Variants in DLG2 observed in about 807,000 individuals in gnomAD.
DLG2 encodes discs large MAGUK scaffold protein 2, also known as disks large homolog 2.
DLG2 carries 45 observed loss-of-function variants against 132.5 expected under a neutral mutation model. The ratio of observed to expected loss-of-function variants is 0.34; its 90% CI spans 0.27 to 0.44. The LOEUF is 0.44. DLG2 is among the 20% of genes least tolerant of loss of function. The pLI is 1.00. For synonymous variants in DLG2, 424 were observed against 419.6 expected, an observed-to-expected ratio of 1.01 and a Z score of -0.13; for missense variants, 1,045 against 1,196.9, an observed-to-expected ratio of 0.87 and a Z score of 1.87.
At chr11:85,209,099 C>T (rs951486801) in intron 4 of DLG2, among the ~76,000 whole-genome samples, 2 of 152,108 alleles carry the variant, frequency 1.3e-5, no homozygotes, top group African/African-American at 4.8e-5. Context: ...CTGCCACTAA[C>T]TAGCTCTATG....
At chr11:84,519,219 T>C (rs1481407091) in intron 7 of DLG2, among the ~76,000 whole-genome samples, 2 of 152,092 alleles carry the variant, frequency 1.3e-5, no homozygotes, top group Non-Finnish European at 2.9e-5. Flanking sequence ...AAAAAATAAA[T>C]ACCCAGTGCA....
chr11:85,206,790 G>A (rs1342155712), intron 4 of DLG2, among the ~76,000 whole-genome samples: 3 of 152,054 alleles, frequency 2.0e-5, no homozygotes, highest in Non-Finnish European at 4.4e-5. Flanking sequence ...ACGAGATCAT[G>A]CCACTGCACT....
chr11:84,242,731 A>G (rs1598234943), intron 8 of DLG2, among the ~76,000 whole-genome samples: 1 of 152,174 alleles, frequency 6.6e-6, no homozygotes, highest in African/African-American at 2.4e-5. Flanking sequence ...TAATTTTACA[A>G]TAAGAAAATG....
chr11:84,616,689 G>A (rs2099604968), intron 6 of DLG2, among the ~76,000 whole-genome samples: 1 of 152,072 alleles, frequency 6.6e-6, no homozygotes, highest in Admixed American at 6.6e-5. Context: ...CTCATCTAAT[G>A]AAAAATGAAT....
intron 11 of DLG2, among the ~76,000 whole-genome samples, chr11:84,002,912 T>C (rs978692087): frequency 3.3e-5 from 5 of 152,234 alleles, no homozygotes; most frequent in African/African-American, 1.2e-4. Context: ...TTTTATGCTC[T>C]GTTTCCCTTA....
At chr11:84,123,813 A>T (rs1438539385) in intron 9 of DLG2, among the ~76,000 whole-genome samples, 2 of 152,214 alleles carry the variant, frequency 1.3e-5, no homozygotes, top group African/African-American at 4.8e-5. Context: ...AATGCTCCAT[A>T]AGCAGGTCTA....
intron 21 of DLG2, among the ~76,000 whole-genome samples, chr11:83,518,420 AC>A (rs1159082739): frequency 3.3e-5 from 5 of 151,934 alleles, no homozygotes; most frequent in Non-Finnish European, 7.4e-5. Flanking sequence ...GCCATCTGTC[AC>A]CCCTTTTCTT....
At position 83,469,243 on chromosome 11, in the gene DLG2, T is replaced by C. The variant is rs561760578; in HGVS notation, c.2577A>G (p.Leu859=). ...TCACAGACTGCACACTGGTTCCATA[T>C]AAATTGTCATTGTACTGGCCGGCTT... ...FIEAGQYNDN[L]YGTSVQSVRF... The change falls in exon 25 of 28, where the codon TTA becomes TTG. Residue 859 remains leucine (L), a synonymous_variant. Coordinates refer to ENST00000376104, the MANE Select transcript of DLG2 (RefSeq NM_001142699.3). 6 of 1,613,536 alleles carry C rather than the reference T, an allele frequency of 3.7e-6. No homozygotes were observed. In the South Asian group the frequency reaches 5.5e-5, roughly 15 times the overall value.
At chr11:84,870,844 A>G (rs2085357816) in intron 6 of DLG2, among the ~76,000 whole-genome samples, 1 of 152,238 alleles carries the variant, frequency 6.6e-6, no homozygotes, top group Admixed American at 6.5e-5. Flanking sequence ...ATGACAGAAG[A>G]GATTATTACA....
chr11:84,016,887 A>G (rs187910361), intron 11 of DLG2, among the ~76,000 whole-genome samples: 1 of 152,230 alleles, frequency 6.6e-6, no homozygotes, highest in East Asian at 1.9e-4. Flanking sequence ...TTATTATACT[A>G]TGTTGCCTAA....
At chr11:85,321,896 T>C (rs1161960279) in intron 3 of DLG2, among the ~76,000 whole-genome samples, 1 of 151,950 alleles carries the variant, frequency 6.6e-6, no homozygotes, top group East Asian at 1.9e-4. Flanking sequence ...GTGTATAAAT[T>C]TGTTGAGTCT....
At chr11:83,484,301 A>G in intron 21 of DLG2, 73 bp from the exon 22 acceptor site, 1 of 1,099,498 alleles carries the variant, frequency 9.1e-7, no homozygotes, top group Non-Finnish European at 1.4e-6. Context: ...TGACAAAACA[A>G]CTAGTTTGTA....
intron 21 of DLG2, among the ~76,000 whole-genome samples, chr11:83,495,351 A>G (rs150599015): frequency 8.5e-5 from 13 of 152,280 alleles, no homozygotes; most frequent in African/African-American, 2.9e-4. Context: ...GCTTTTGTTT[A>G]TCTACTTCAG....
chr11:84,389,858 T>C (rs1666190436), intron 7 of DLG2, among the ~76,000 whole-genome samples: 1 of 152,102 alleles, frequency 6.6e-6, no homozygotes, highest in Non-Finnish European at 1.5e-5. Context: ...CTTCAGATTA[T>C]CTATGGGCTT....
At chr11:83,883,652 C>G (rs2066927162) in intron 15 of DLG2, among the ~76,000 whole-genome samples, 1 of 152,136 alleles carries the variant, frequency 6.6e-6, no homozygotes, top group Non-Finnish European at 1.5e-5. Context: ...ACACCAGGAG[C>G]AAAATATAGT....
At chr11:83,984,192 T>A (rs2093039738) in intron 11 of DLG2, among the ~76,000 whole-genome samples, 1 of 142,068 alleles carries the variant, frequency 7.0e-6, no homozygotes, top group Non-Finnish European at 1.5e-5. Flanking sequence ...GATAGATAGA[T>A]GATAGATAGA....
At chr11:84,496,645 T>C (rs2099185077) in intron 7 of DLG2, among the ~76,000 whole-genome samples, 1 of 152,114 alleles carries the variant, frequency 6.6e-6, no homozygotes, top group Non-Finnish European at 1.5e-5. Context: ...TATTGAAAAA[T>C]GTCCAAAGCC....
chr11:85,573,869 T>C (rs2153225980), intron 3 of DLG2, among the ~76,000 whole-genome samples: 1 of 152,308 alleles, frequency 6.6e-6, no homozygotes, highest in South Asian at 2.1e-4. Context: ...TGTAGAACCT[T>C]AAAATGCTTG....
At chr11:84,021,591 A>G (rs1326894117) in intron 11 of DLG2, among the ~76,000 whole-genome samples, 4 of 152,308 alleles carry the variant, frequency 2.6e-5, no homozygotes, top group Admixed American at 1.3e-4. Flanking sequence ...AGTCCATGAC[A>G]GTACCTGTGG....
Sources: allele counts gnomAD v4.1 joint callset (sites outside exome capture counted in the v4.1 genomes callset), GRCh38; gene constraint gnomAD v4.1.1; transcripts MANE v1.5; gene names NCBI Gene and HGNC (gene_info 2026-07-23, HGNC 2026-07-21).